Variants in RFX3 observed in about 807,000 individuals in gnomAD.
RFX3 encodes regulatory factor X3.
Under a neutral mutation model 98.6 loss-of-function variants are expected in RFX3, and 14 were observed. The ratio of observed to expected loss-of-function variants is 0.14; its 90% CI spans 0.09 to 0.22. The LOEUF (loss-of-function observed/expected upper bound fraction) is 0.22. Among genes scored for constraint, RFX3 ranks in the 10% least tolerant of loss-of-function variants. The probability of loss-of-function intolerance (pLI) is 1.00; values close to 1 mark genes in which losing one functional copy is unlikely to be tolerated. For synonymous variants in RFX3, 383 were observed against 328.4 expected (o/e 1.17, Z -1.80); for missense variants, 639 against 926.9 (o/e 0.69, Z 4.03).
intron 7 of RFX3, among the ~76,000 whole-genome samples, chr9:3,277,677 C>T (rs1345901294): frequency 6.6e-6 from 1 of 151,672 alleles, no homozygotes; most frequent in Non-Finnish European, 1.5e-5. Context: ...TGAAGGGGAC[C>T]CATTTTTGGA....
intron 11 of RFX3, among the ~76,000 whole-genome samples, chr9:3,269,626 T>A (rs1824112775): frequency 6.6e-6 from 1 of 152,122 alleles, no homozygotes; most frequent in Admixed American, 6.6e-5. Context: ...TAGCTTTGTT[T>A]GCTACAAAGT....
chr9:3,497,345 G>T (rs946601242), intron 1 of RFX3, among the ~76,000 whole-genome samples: 2 of 151,974 alleles, frequency 1.3e-5, no homozygotes, highest in Non-Finnish European at 2.9e-5. Context: ...TAAATGTTCT[G>T]AAAGTGATGC....
At chr9:3,520,419 G>A (rs1205320434) in intron 1 of RFX3, among the ~76,000 whole-genome samples, 1 of 152,114 alleles carries the variant, frequency 6.6e-6, no homozygotes, top group Non-Finnish European at 1.5e-5. Flanking sequence ...AGGTATCACT[G>A]TTTCAGTATG....
At chr9:3,472,123 A>G (rs1848833037) in intron 1 of RFX3, among the ~76,000 whole-genome samples, 1 of 152,202 alleles carries the variant, frequency 6.6e-6, no homozygotes, top group South Asian at 2.1e-4. Context: ...TCTGTAACGC[A>G]CTGTATTTGT....
At chr9:3,422,042 C>G (rs1405014462) in intron 1 of RFX3, among the ~76,000 whole-genome samples, 1 of 151,746 alleles carries the variant, frequency 6.6e-6, no homozygotes, top group Non-Finnish European at 1.5e-5. Flanking sequence ...GATAAGGAGA[C>G]CTGATTTGTT....
chr9:3,465,703 T>G (rs1162732080), intron 1 of RFX3, among the ~76,000 whole-genome samples: 1 of 152,118 alleles, frequency 6.6e-6, no homozygotes, highest in Non-Finnish European at 1.5e-5. Flanking sequence ...GAGTTTACAG[T>G]ATACAAAGAA....
At chr9:3,449,262 G>A (rs1389645056) in intron 1 of RFX3, among the ~76,000 whole-genome samples, 1 of 152,072 alleles carries the variant, frequency 6.6e-6, no homozygotes, top group Non-Finnish European at 1.5e-5. Context: ...TCAAGCATAG[G>A]TCTCAACATT....
chr9:3,424,095 T>C (rs188978062), intron 1 of RFX3, among the ~76,000 whole-genome samples: 3,992 of 149,680 alleles, frequency 0.027, 75 homozygotes, highest in Non-Finnish European at 0.039. Flanking sequence ...TGCAGTGAGC[T>C]GAGATCGCGC....
At chr9:3,247,794 T>G in intron 15 of RFX3, 1 of 1,604,532 alleles carries the variant, frequency 6.2e-7, no homozygotes, top group Non-Finnish European at 8.5e-7. Context: ...CTGTATAATA[T>G]AGAGACACAT....
At chr9:3,352,244 GTA>G (rs1019956031) in intron 2 of RFX3, among the ~76,000 whole-genome samples, 113 of 152,042 alleles carry the variant, frequency 7.4e-4, no homozygotes, top group African/African-American at 2.0e-3. Flanking sequence ...CAAAATGTGT[GTA>G]TGTGTGTGTG....
At chr9:3,448,963 A>T (rs1418118498) in intron 1 of RFX3, among the ~76,000 whole-genome samples, 1 of 152,208 alleles carries the variant, frequency 6.6e-6, no homozygotes, top group Non-Finnish European at 1.5e-5. Flanking sequence ...CACCTATGCT[A>T]CACCTTGTTG....
intron 7 of RFX3, among the ~76,000 whole-genome samples, chr9:3,282,653 A>T (rs1377007885): frequency 6.6e-6 from 1 of 151,794 alleles, no homozygotes; most frequent in Non-Finnish European, 1.5e-5. Context: ...CTCTAAGCAT[A>T]GGTGGTTTAT....
chr9:3,327,442 T>C (rs1009903423), intron 4 of RFX3, among the ~76,000 whole-genome samples: 2 of 152,124 alleles, frequency 1.3e-5, no homozygotes, highest in Non-Finnish European at 2.9e-5. Flanking sequence ...TTTTCAATAA[T>C]CAATTCAAGG....
At chr9:3,353,923 C>T (rs7022817) in intron 2 of RFX3, among the ~76,000 whole-genome samples, 7,845 of 151,844 alleles carry the variant, frequency 0.052, 620 homozygotes, top group African/African-American at 0.16. Flanking sequence ...TATGAATAGA[C>T]TTATGATTTA....
In RFX3 at chr9:3,371,376, G is replaced by C. The variant is rs186781946; in HGVS notation, c.117+24096C>G. On this transcript the variant is annotated intron_variant, in intron 2 of 16. Transcript: ENST00000617270. ...TTTTAATACTTTATATTAGAGCAAA[G>C]TACTTAGGATTAAATAAGTGTTTCC... is the stretch of plus-strand genomic sequence containing the variant. 1.3e-4 allele frequency among the ~76,000 whole-genome samples: 20 copies of C among 152,222 alleles called. No homozygotes were observed. In the East Asian group the frequency reaches 3.5e-3, roughly 26 times the overall value.
At chr9:3,335,778 C>T (rs1003267927) in intron 3 of RFX3, among the ~76,000 whole-genome samples, 1 of 152,146 alleles carries the variant, frequency 6.6e-6, no homozygotes, top group Non-Finnish European at 1.5e-5. Context: ...TTCTTCATAG[C>T]TGACTCTATT....
chr9:3,227,960 G>T (rs1220680675), intron 16 of RFX3, among the ~76,000 whole-genome samples: 6 of 152,038 alleles, frequency 3.9e-5, no homozygotes, highest in Admixed American at 3.3e-4. Context: ...AGTGGCTCTG[G>T]CCTGGAAGGG....
intron 1 of RFX3, among the ~76,000 whole-genome samples, chr9:3,400,946 A>G (rs1399584349): frequency 6.6e-6 from 1 of 152,236 alleles, no homozygotes; most frequent in Non-Finnish European, 1.5e-5. Context: ...TCTAAAGCAC[A>G]TGATGTCAAC....
intron 4 of RFX3, among the ~76,000 whole-genome samples, chr9:3,315,213 A>G (rs1349642001): frequency 2.0e-5 from 3 of 152,168 alleles, no homozygotes; most frequent in African/African-American, 7.2e-5. Context: ...ACTCAGGATT[A>G]AGAAACTCAC....
Sources: allele counts gnomAD v4.1 joint callset (sites outside exome capture counted in the v4.1 genomes callset), GRCh38; gene constraint gnomAD v4.1.1; transcripts MANE v1.5; gene names NCBI Gene and HGNC (gene_info 2026-07-23, HGNC 2026-07-21).